The following TEX2 variants were observed in gnomAD, a reference collection of about 807,000 sequenced individuals.
TEX2 encodes the protein testis-expressed protein 2.
A neutral mutation model predicts 106.9 loss-of-function variants in TEX2; 53 were observed. The ratio of observed to expected loss-of-function variants is 0.50; its 90% CI spans 0.40 to 0.62. The LOEUF (loss-of-function observed/expected upper bound fraction) is 0.62, where lower values mean the gene tolerates loss of function less well. Ranked by LOEUF, TEX2 falls within the 20% of genes least tolerant of loss-of-function variation. TEX2 has a pLI of 0.00. For missense variants in TEX2, 1,207 were observed against 1,379.0 expected (o/e 0.88, Z 1.98); for synonymous variants, 523 against 534.8 (o/e 0.98, Z 0.30).
intron 7 of TEX2, among the ~76,000 whole-genome samples, chr17:64,166,288 G>A (rs1157672039): frequency 6.6e-6 from 1 of 152,238 alleles, no homozygotes; most frequent in East Asian, 1.9e-4. Context: ...CAAACGAGGC[G>A]GGCAGGACTG....
rs782493091 is a variant in TEX2, at chr17:64,214,064, ACTCCTCCTCCTCTTCCTC to A, written c.136_153del (p.Glu46_Glu51del). ...AGCCCCTCCTCAAAGTACTCCCTGA[ACTCCTCCTCCTCTTCCTC>A]CTCCTCCTCGCCGGATGCCGAGAAG... On this transcript the variant is annotated inframe_deletion, in exon 2 of 12. Transcript: ENST00000584379. The A allele has an allele frequency of 7.4e-6, 12 of 1,613,276 alleles. No homozygotes were observed. Among genetic ancestry groups the A allele is most frequent in the Non-Finnish European group, 9.3e-6 (11 of 1,179,834 alleles).
chr17:64,215,347 C>T lies in TEX2; in HGVS notation c.-25-1105G>A, dbSNP rs529013826. On this transcript the variant is annotated intron_variant, in intron 1 of 11. Transcript: ENST00000584379. The stretch of plus-strand genomic sequence containing the variant: ...CCAGTGTGGGAGGTGGGACATCCAA[C>T]GGGTCTTTGGAACTGATGGGTGAGT... 5.3e-5 allele frequency among the ~76,000 whole-genome samples: 8 copies of T among 152,286 alleles called. 1 individual carries two copies. The South Asian group carries it at 1.2e-3, about 24-fold the overall frequency.
At position 64,212,620 on chromosome 17, in the gene TEX2, T is replaced by C. The variant is rs147787450; in HGVS notation, c.1598A>G (p.His533Arg). Residue 533 changes from histidine (H) to arginine (R), a missense_variant, in exon 2 of 12, where the codon CAC (histidine) becomes CGC (arginine). Physicochemically the swap from His to Arg is conservative, Grantham distance 29. Around this residue, in one of 3 missense-constraint regions of TEX2, gnomAD observed 1,067 missense variants for 1,193.6 expected, o/e 0.89. Transcript: ENST00000584379. ...KYHKLHKNLRHWNTRSLDIKE... is the reference protein window; with the variant it reads ...KYHKLHKNLRRWNTRSLDIKE... The stretch of plus-strand genomic sequence containing the variant: ...GATATCCAGAGATCTTGTGTTCCAG[T>C]GTCGCAGATTTTTGTGTAACTTGTG... 3.1e-6 allele frequency: 5 copies of C among 1,614,086 alleles called. No individual in the cohort carries two copies. The African/African-American group carries it at 6.7e-5, about 22-fold the overall frequency.
chr17:64,186,375 G>A (rs1049142591), intron 5 of TEX2, among the ~76,000 whole-genome samples: 43 of 152,152 alleles, frequency 2.8e-4, no homozygotes, highest in African/African-American at 1.0e-3. Context: ...GTAGTGGGTC[G>A]CAGGCCAGCA....
intron 1 of TEX2, among the ~76,000 whole-genome samples, chr17:64,245,783 G>C (rs548266512): frequency 1.8e-5 from 1 of 56,600 alleles, no homozygotes; most frequent in South Asian, 5.7e-4. Flanking sequence ...TGGACAAGAC[G>C]GAAGGGAGCC....
intron 1 of TEX2, among the ~76,000 whole-genome samples, chr17:64,221,079 T>C (rs1260315058): frequency 6.6e-6 from 1 of 152,174 alleles, no homozygotes; most frequent in Non-Finnish European, 1.5e-5. Flanking sequence ...GAAGCCATTA[T>C]CCTCAGCAAA....
intron 1 of TEX2, among the ~76,000 whole-genome samples, chr17:64,227,052 C>T (rs2033523972): frequency 6.6e-6 from 1 of 151,726 alleles, no homozygotes; most frequent in African/African-American, 2.4e-5. Flanking sequence ...ATGGTGAAAC[C>T]CCGCCTCTAC....
intron 1 of TEX2, among the ~76,000 whole-genome samples, chr17:64,223,374 T>TTC (rs1459225267): frequency 1.4e-5 from 2 of 145,824 alleles, no homozygotes; most frequent in Non-Finnish European, 1.5e-5. Flanking sequence ...TTTTTTTTTT[T>TTC]CACTTTTTTT....
chr17:64,194,979 A>G lies in TEX2; in HGVS notation c.1761T>C (p.Asn587=), dbSNP rs1200912669. Residue 587 remains asparagine (N), a synonymous_variant, in exon 3 of 12, where the codon AAT becomes AAC. Transcript: ENST00000584379. Reference sequence around the variant, plus strand: ...CATTGTAGCTGGCCCTCCTGGATATATTTTTATTGGGCTTTGAAAGTCTTA... The same window carrying G: ...CATTGTAGCTGGCCCTCCTGGATATGTTTTTATTGGGCTTTGAAAGTCTTA... The part of the protein sequence containing the change: ...GTLRLSKPNK[N]ISRRASYNEP... 2 of 1,613,924 alleles carry G rather than the reference A, an allele frequency of 1.2e-6. No individual in the cohort carries two copies. Among genetic ancestry groups the G allele is most frequent in the East Asian group, 4.5e-5 (2 of 44,898 alleles).
chr17:64,189,439 C>T (rs2032212380), intron 4 of TEX2, among the ~76,000 whole-genome samples: 2 of 152,102 alleles, frequency 1.3e-5, no homozygotes, highest in South Asian at 4.1e-4. Flanking sequence ...ATGCAAAAAG[C>T]AGTGACAGGG....
At position 64,259,321 on chromosome 17, in the gene TEX2, G is replaced by T. The variant is rs137908659; in HGVS notation, c.-26+3847C>A. On this transcript the variant is annotated intron_variant, in intron 1 of 11. Coordinates refer to ENST00000584379, the MANE Select transcript of TEX2 (RefSeq NM_001288732.2). ...TAATGGTGCTTCATGGACATTTCACGCAGTGTAATTACGCATTATAAAGAG... is the reference window on the plus strand; with the variant it reads ...TAATGGTGCTTCATGGACATTTCACTCAGTGTAATTACGCATTATAAAGAG... Among the ~76,000 whole-genome samples, 7 of 152,214 alleles carry T rather than the reference G, an allele frequency of 4.6e-5. No homozygotes were observed. In the East Asian group the frequency reaches 1.3e-3, roughly 29 times the overall value.
In TEX2 at chr17:64,153,776, C is replaced by T. The variant is rs1018698349; in HGVS notation, c.2931-622G>A. On this transcript the variant is annotated intron_variant, in intron 9 of 11. Coordinates refer to ENST00000584379, the MANE Select transcript of TEX2 (RefSeq NM_001288732.2). The surrounding 1 kb of genome is among the most constrained non-coding windows in gnomAD (Gnocchi z 4.1). Reference sequence around the variant, plus strand: ...GACCCCCATCTCTACAAAAAACAAACAGAAAATTAGCCAGGAGTGGTGGTG... The same window carrying T: ...GACCCCCATCTCTACAAAAAACAAATAGAAAATTAGCCAGGAGTGGTGGTG... 6.6e-6 allele frequency among the ~76,000 whole-genome samples: 1 copy of T among 152,022 alleles called. No homozygotes were observed. The highest frequency in any genetic ancestry group is 2.4e-5 in the African/African-American group (1 of 41,404).
Position 64,160,781 on chromosome 17 carries a change from A to G in TEX2, c.2804+20T>C, listed in dbSNP as rs1309707947. ...TGGTGCCCCAGGATTGGATTAGTAA[A>G]TTCATATATAGCCCCTTACCCTTCT... On this transcript the variant is annotated intron_variant, in intron 8 of 11. Coordinates refer to ENST00000584379, the MANE Select transcript of TEX2 (RefSeq NM_001288732.2). The G allele has an allele frequency of 6.2e-7, 1 of 1,612,070 alleles. No individual in the cohort carries two copies. The highest frequency in any genetic ancestry group is 1.3e-5 in the African/African-American group (1 of 74,714).
intron 1 of TEX2, among the ~76,000 whole-genome samples, chr17:64,224,899 C>T (rs2033461984): frequency 6.6e-6 from 1 of 151,472 alleles, no homozygotes; most frequent in Admixed American, 6.6e-5. Context: ...GCGTTCAGCA[C>T]AACCATACAA....
intron 8 of TEX2, among the ~76,000 whole-genome samples, chr17:64,159,183 C>A (rs748548504): frequency 1.3e-5 from 2 of 152,188 alleles, no homozygotes; most frequent in Non-Finnish European, 2.9e-5. Context: ...TTGCCACCCC[C>A]GGTGCCCAAG....
At chr17:64,236,529 CCT>C (rs1171353899) in intron 1 of TEX2, among the ~76,000 whole-genome samples, 7 of 152,078 alleles carry the variant, frequency 4.6e-5, no homozygotes, top group African/African-American at 1.4e-4. Flanking sequence ...AGAGTAAGAC[CCT>C]GTCTCAAAAA....
In TEX2 at chr17:64,194,884, C is replaced by T. The variant is rs753398523; in HGVS notation, c.1845+11G>A. 4.3e-6 allele frequency: 7 copies of T among 1,613,772 alleles called. No homozygotes were observed. The East Asian group carries it at 1.6e-4, about 36-fold the overall frequency. On this transcript the variant is annotated intron_variant, in intron 3 of 11. Transcript: ENST00000584379. ...CATCTAAGCTATCCTTCCAAAATTGCTCAGGCTCACCTTGCTGTCTGAGAG... is the reference window on the plus strand; with the variant it reads ...CATCTAAGCTATCCTTCCAAAATTGTTCAGGCTCACCTTGCTGTCTGAGAG...
chr17:64,157,782 G>A (rs1471484407), intron 8 of TEX2, among the ~76,000 whole-genome samples: 1 of 152,236 alleles, frequency 6.6e-6, no homozygotes, highest in African/African-American at 2.4e-5. Context: ...GGGGCCTGGG[G>A]GCAGATGGGT....
At chr17:64,218,564 G>A (rs991455958) in intron 1 of TEX2, among the ~76,000 whole-genome samples, 7 of 151,968 alleles carry the variant, frequency 4.6e-5, no homozygotes, top group Middle Eastern at 3.4e-3. Flanking sequence ...GACTACAGAC[G>A]CCCGCCACCA....
Sources: gnomAD v4.1 joint callset for allele counts (sites outside exome capture counted in the v4.1 genomes callset) on GRCh38, gnomAD v4.1.1 for gene constraint, gnomAD v4.1.1 regional missense constraint, Gnocchi (gnomAD v3.1) non-coding constraint, MANE v1.5 for transcripts, NCBI Gene and HGNC (gene_info 2026-07-23, HGNC 2026-07-21) for gene names.